Variants in SLC1A4 observed in about 807,000 individuals in gnomAD.
SLC1A4 encodes the protein solute carrier family 1 member 4, also known as neutral amino acid transporter A.
Under a neutral mutation model 37.7 loss-of-function variants are expected in SLC1A4, and 19 were observed. The ratio of observed to expected loss-of-function variants is 0.50; its 90% confidence interval spans 0.35 to 0.74. SLC1A4 has a LOEUF of 0.74. Among genes scored for constraint, SLC1A4 ranks in the 30% least tolerant of loss-of-function variants. The pLI is 0.01. For missense variants in SLC1A4, 570 were observed against 712.9 expected, an observed-to-expected ratio of 0.80 and a Z score of 2.28; for synonymous variants, 299 against 309.8, an observed-to-expected ratio of 0.97 and a Z score of 0.37.
rs1337331616 is a variant in SLC1A4, at chr2:64,990,316, A to G, written c.527+146A>G. The G allele has an allele frequency of 7.2e-6, 6 of 828,852 alleles. No individual in the cohort carries two copies. The African/African-American group carries it at 8.7e-5, about 12-fold the overall frequency. 51.3% of individuals were successfully genotyped at this position (828,852 alleles called of 1,614,324 possible). A position where few individuals can be genotyped will look rare whatever the true frequency, so the allele number is the denominator to read the frequency against. ...CGTTTAACGTTTTAAAAATATCAAAATGACGTCTGGAGTTTTTGCGTGCTG... is the reference window on the plus strand; with the variant it reads ...CGTTTAACGTTTTAAAAATATCAAAGTGACGTCTGGAGTTTTTGCGTGCTG... On this transcript the variant is annotated intron_variant, in intron 1 of 7. Coordinates refer to ENST00000234256, the MANE Select transcript of SLC1A4 (RefSeq NM_003038.5).
Position 65,022,035 on chromosome 2 carries a change from G to A in SLC1A4, c.*889G>A, listed in dbSNP as rs181745974. 1 of 152,382 alleles carries A rather than the reference G, an allele frequency of 6.6e-6. No individual in the cohort carries two copies. Among genetic ancestry groups the A allele is most frequent in the Admixed American group, 6.5e-5 (1 of 15,314 alleles). The allele number at this position is 152,382 out of a possible 1,614,324, so 9.4% of individuals were successfully genotyped here. On this transcript the variant is annotated 3_prime_UTR_variant, in exon 8 of 8. Coordinates refer to ENST00000234256, the MANE Select transcript of SLC1A4 (RefSeq NM_003038.5). ...AGGCCAGAGATGGGCCTCCTTCCCT[G>A]GGGAGGTGTGATGTAGTTATCACAT...
Position 65,018,632 on chromosome 2 carries a change from G to T in SLC1A4, c.1317G>T (p.Gly439=), listed in dbSNP as rs773389631. 6.2e-7 allele frequency: 1 copy of T among 1,614,218 alleles called. No homozygotes were observed. The change falls in exon 7 of 8, where the codon GGG becomes GGT. Residue 439 remains glycine (G), a synonymous_variant. Transcript: ENST00000234256. The surrounding 1 kb of genome is among the most constrained non-coding windows in gnomAD (Gnocchi z 4.3). Reference sequence around the variant, plus strand: ...TTGCCATTATCCTGGAGGCCATTGGGCTGCCTACTCATGACCTGCCTCTGA... The same window carrying T: ...TTGCCATTATCCTGGAGGCCATTGGTCTGCCTACTCATGACCTGCCTCTGA... ...LTIAIILEAI[G]LPTHDLPLIL... is the part of the protein sequence containing the mutation.
In SLC1A4 at chr2:65,021,235, C is replaced by T. The variant is rs141582996; in HGVS notation, c.*89C>T. On this transcript the variant is annotated 3_prime_UTR_variant, in exon 8 of 8. Coordinates refer to ENST00000234256, the MANE Select transcript of SLC1A4 (RefSeq NM_003038.5). Reference sequence around the variant, plus strand: ...TCATGGACACAGGGCACTGCCCTTGCCAACTTTTACCCTCCCAAGCAATGC... The same window carrying T: ...TCATGGACACAGGGCACTGCCCTTGTCAACTTTTACCCTCCCAAGCAATGC... 7.2e-4 allele frequency: 724 copies of T among 1,008,786 alleles called. 1 individual carries two copies. The African/African-American group carries it at 8.2e-3, about 11-fold the overall frequency. The allele number at this position is 1,008,786 out of a possible 1,614,324, so 62.5% of individuals were successfully genotyped here.
chr2:65,009,414 AAAAAG>A (rs912825392), intron 3 of SLC1A4, among the ~76,000 whole-genome samples: 4 of 152,024 alleles, frequency 2.6e-5, no homozygotes, highest in African/African-American at 7.2e-5. Context: ...GAAAGAAAAG[AAAAAG>A]AAAAGTTGGA....
intron 4 of SLC1A4, among the ~76,000 whole-genome samples, chr2:65,015,477 T>G (rs140498218): frequency 0.02 from 3,017 of 152,306 alleles, 37 homozygotes; most frequent in African/African-American, 0.03. Flanking sequence ...GGTAGGAGTG[T>G]CTATTTGAGG....
intron 1 of SLC1A4, among the ~76,000 whole-genome samples, chr2:64,990,451 C>CCAG (rs1329788472): frequency 6.6e-6 from 1 of 152,160 alleles, no homozygotes; most frequent in Non-Finnish European, 1.5e-5. Flanking sequence ...TAGGGAAGAG[C>CCAG]CAGCCGCCCC....
intron 7 of SLC1A4, 37 bp from the exon 8 acceptor site, chr2:65,020,875 C>T: frequency 1.3e-6 from 2 of 1,558,976 alleles, no homozygotes; most frequent in Non-Finnish European, 1.8e-6. Context: ...GATCGCCCAG[C>T]AGTAGATATA....
intron 3 of SLC1A4, among the ~76,000 whole-genome samples, chr2:65,008,379 T>C (rs1214862783): frequency 2.0e-5 from 3 of 152,214 alleles, no homozygotes; most frequent in Non-Finnish European, 2.9e-5. Context: ...GGCTCACACC[T>C]GTAATAATAA....
rs1064512 is a variant in SLC1A4 at position 64,989,752 on chromosome 2, G to A, written c.109G>A (p.Gly37Ser). The A allele has an allele frequency of 9.7e-6, 14 of 1,444,872 alleles. No individual in the cohort carries two copies. The highest frequency in any genetic ancestry group is 2.9e-5 in the East Asian group (1 of 34,482). 89.5% of individuals were successfully genotyped at this position (1,444,872 alleles called of 1,614,324 possible). A position where few individuals can be genotyped will look rare whatever the true frequency, so the allele number is the denominator to read the frequency against. ...TAAGRARRCA[G>S]FLRRQALVLL... ...GGCGGGACGCGCACGGCGTTGCGCG[G>A]GCTTCCTGCGGCGCCAAGCGCTGGT... Residue 37 changes from glycine (G) to serine (S), a missense_variant, in exon 1 of 8, where the codon GGC becomes AGC. By Grantham distance (56) the Gly-to-Ser change is moderately conservative. Coordinates refer to ENST00000234256, the MANE Select transcript of SLC1A4 (RefSeq NM_003038.5).
At chr2:64,994,822 C>T (rs1448038315) in intron 1 of SLC1A4, 4 of 152,172 alleles carry the variant, frequency 2.6e-5, no homozygotes, top group Non-Finnish European at 5.9e-5. Context: ...AAGGATGACA[C>T]ACAACGTGAT....
intron 2 of SLC1A4, 76 bp downstream of exon 2, chr2:65,001,566 A>C: frequency 7.3e-7 from 1 of 1,366,720 alleles, no homozygotes; most frequent in Middle Eastern, 1.8e-4. Context: ...AGAGTTAGGT[A>C]AGGTAGAACA....
chr2:64,992,106 G>A lies in SLC1A4; in HGVS notation c.527+1936G>A, dbSNP rs139706071. On this transcript the variant is annotated intron_variant, in intron 1 of 7. Coordinates refer to ENST00000234256, the MANE Select transcript of SLC1A4 (RefSeq NM_003038.5). ...TTTAGCCTATTACCTGTAGGAGGTC[G>A]GTCAGCTCTCTCAGGGAGGAAAGGC... 1.4e-4 allele frequency among the ~76,000 whole-genome samples: 21 copies of A among 152,278 alleles called. 1 individual carries two copies. The highest frequency in any genetic ancestry group is 7.2e-4 in the Admixed American group (11 of 15,298).
At chr2:65,007,522 G>A (rs986583508) in intron 3 of SLC1A4, among the ~76,000 whole-genome samples, 10 of 152,102 alleles carry the variant, frequency 6.6e-5, no homozygotes, top group African/African-American at 2.4e-4. Flanking sequence ...AAACCCACCT[G>A]CCACCAGCCT....
At chr2:64,995,867 T>C (rs1474869123) in intron 1 of SLC1A4, among the ~76,000 whole-genome samples, 11 of 152,212 alleles carry the variant, frequency 7.2e-5, no homozygotes, top group African/African-American at 1.2e-4. Flanking sequence ...CCCTTGACAA[T>C]AGGATCAGAA....
At chr2:65,000,062 G>A (rs1456305313) in intron 1 of SLC1A4, 7 of 152,162 alleles carry the variant, frequency 4.6e-5, no homozygotes, top group African/African-American at 1.7e-4. Flanking sequence ...AGATCCTGGT[G>A]AGCAACCCAG....
chr2:64,989,109 C>T (rs1333925944), upstream of SLC1A4, among the ~76,000 whole-genome samples: 6 of 152,052 alleles, frequency 3.9e-5, no homozygotes. Flanking sequence ...CGCCCGGAGC[C>T]GGCCTCCGTT....
rs992871130 is a variant in SLC1A4 at position 64,999,984 on chromosome 2, T to C, written c.528-1464T>C. On this transcript the variant is annotated intron_variant, in intron 1 of 7. Transcript: ENST00000234256. ...CCAGGAGGCCATCTTAGACTCTGCCTGCCACAGCTGGGTTGCAGCCAGACC... is the reference window on the plus strand; with the variant it reads ...CCAGGAGGCCATCTTAGACTCTGCCCGCCACAGCTGGGTTGCAGCCAGACC... 7.9e-5 allele frequency: 12 copies of C among 152,310 alleles called. No individual in the cohort carries two copies. The East Asian group carries it at 2.3e-3, about 29-fold the overall frequency. The allele number at this position is 152,310 out of a possible 1,614,324, so 9.4% of individuals were successfully genotyped here.
chr2:65,010,830 G>A, intron 4 of SLC1A4, 67 bp downstream of exon 4: 5 of 1,527,758 alleles, frequency 3.3e-6, no homozygotes, highest in Non-Finnish European at 4.4e-6. Flanking sequence ...AGTCCACCTT[G>A]CTGTTCTAGG....
chr2:65,016,734 C>T, intron 5 of SLC1A4, 61 bp downstream of exon 5: 3 of 1,087,082 alleles, frequency 2.8e-6, no homozygotes, highest in Non-Finnish European at 4.3e-6. Flanking sequence ...CCAGGTGAGC[C>T]CAGTGGTAGA....
Sources: gnomAD v4.1 joint callset for allele counts (sites outside exome capture counted in the v4.1 genomes callset) on GRCh38, gnomAD v4.1.1 for gene constraint, Gnocchi (gnomAD v3.1) non-coding constraint, MANE v1.5 for transcripts, NCBI Gene and HGNC (gene_info 2026-07-23, HGNC 2026-07-21) for gene names.